The following SLC9A1 variants were observed in gnomAD, a reference collection of about 807,000 sequenced individuals.
The protein encoded by SLC9A1 is solute carrier family 9 member A1.
Under a neutral mutation model 67.9 loss-of-function variants are expected in SLC9A1, and 22 were observed. The observed-to-expected ratio is 0.32, with a 90% confidence interval of 0.23 to 0.46. SLC9A1 has a LOEUF of 0.46. Among genes scored for constraint, SLC9A1 ranks in the 20% least tolerant of loss-of-function variants. The pLI is 1.00. For missense variants in SLC9A1, 686 were observed against 1,094.8 expected, an observed-to-expected ratio of 0.63 and a Z score of 5.27; for synonymous variants, 421 against 471.8, an observed-to-expected ratio of 0.89 and a Z score of 1.40.
At chr1:27,152,566 A>C (rs1397110900) in intron 1 of SLC9A1, among the ~76,000 whole-genome samples, 2 of 152,194 alleles carry the variant, frequency 1.3e-5, no homozygotes, top group African/African-American at 2.4e-5. Flanking sequence ...GGCCTCAGCT[A>C]TTCAAGGTCA....
In SLC9A1 at chr1:27,107,565, CCA is replaced by C. The variant is rs1318198692; in HGVS notation, c.1282+81_1282+82del. The stretch of plus-strand genomic sequence containing the variant: ...CCTTCCACATAGTGCACTGCACACA[CCA>C]CACACACAGCACCACAGCCCACCAC... On this transcript the variant is annotated intron_variant, in intron 4 of 11. Transcript: ENST00000263980. The C allele has an allele frequency of 2.4e-5, 25 of 1,043,128 alleles. No individual in the cohort carries two copies. The Admixed American group carries it at 4.2e-4, about 18-fold the overall frequency. The allele number at this position is 1,043,128 out of a possible 1,614,324, so 64.6% of individuals were successfully genotyped here.
At chr1:27,105,852 A>G in intron 5 of SLC9A1, 33 bp downstream of exon 5, 1 of 1,587,112 alleles carries the variant, frequency 6.3e-7, no homozygotes, top group South Asian at 1.1e-5. Context: ...GAGGGTCCCC[A>G]AGGCAAGGGC....
chr1:27,136,352 C>G (rs1480930893), intron 1 of SLC9A1, among the ~76,000 whole-genome samples: 2 of 152,208 alleles, frequency 1.3e-5, no homozygotes, highest in Non-Finnish European at 2.9e-5. Context: ...GCCCAGTGCA[C>G]ACTCACCACT....
Position 27,154,278 on chromosome 1 carries a change from T to C in SLC9A1, c.57A>G (p.Leu19=). Residue 19 remains leucine (L), a synonymous_variant, in exon 1 of 12, where the codon TTA becomes TTG. Coordinates refer to ENST00000263980, the MANE Select transcript of SLC9A1 (RefSeq NM_003047.5). The stretch of plus-strand genomic sequence containing the variant: ...GCCCCACCAAAGCAACCACCACGAG[T>C]AAGGAAGGGAAGATCCGATGTGGAG... ...GLSPHRIFPS[L]LVVVALVGLL... 1.2e-6 allele frequency: 2 copies of C among 1,610,856 alleles called. No homozygotes were observed. Among genetic ancestry groups the C allele is most frequent in the South Asian group, 1.1e-5 (1 of 90,570 alleles).
chr1:27,134,142 A>C (rs941660144), intron 1 of SLC9A1, among the ~76,000 whole-genome samples: 4 of 152,116 alleles, frequency 2.6e-5, no homozygotes, highest in African/African-American at 9.7e-5. Context: ...GTCAGAGCTG[A>C]GCTCTGGCCC....
At chr1:27,147,299 C>CAAAAAAAAAAAAAAAA (rs57583944) in intron 1 of SLC9A1, among the ~76,000 whole-genome samples, 1 of 43,936 alleles carries the variant, frequency 2.3e-5, no homozygotes, top group African/African-American at 1.0e-4. Context: ...GACTCTGTCT[C>CAAAAAAAAAAAAAAAA]AAAAAAAAAA....
At chr1:27,151,653 T>C (rs1424089075) in intron 1 of SLC9A1, among the ~76,000 whole-genome samples, 1 of 152,204 alleles carries the variant, frequency 6.6e-6, no homozygotes, top group East Asian at 1.9e-4. Context: ...CGTGAGCCAC[T>C]GCGCCCAGCT....
intron 1 of SLC9A1, among the ~76,000 whole-genome samples, chr1:27,150,864 T>C (rs540827442): frequency 1.3e-5 from 2 of 152,094 alleles, no homozygotes; most frequent in Non-Finnish European, 2.9e-5. Flanking sequence ...TCTATTCTTA[T>C]AGGAGGGGTA....
intron 1 of SLC9A1, among the ~76,000 whole-genome samples, chr1:27,138,903 T>C (rs540703937): frequency 1.3e-5 from 2 of 152,184 alleles, no homozygotes; most frequent in Non-Finnish European, 2.9e-5. Flanking sequence ...GCGGCTGCTC[T>C]GGGGAGAGCT....
chr1:27,101,596 C>T lies in SLC9A1; in HGVS notation c.2037+129G>A, dbSNP rs1051784224. 59 of 705,202 alleles carry T rather than the reference C, an allele frequency of 8.4e-5. No homozygotes were observed. The African/African-American group carries it at 9.4e-4, about 11-fold the overall frequency. 43.7% of individuals were successfully genotyped at this position (705,202 alleles called of 1,614,324 possible). A position where few individuals can be genotyped will look rare whatever the true frequency, so the allele number is the denominator to read the frequency against. ...TGCTTAGAACTCATGGCTCTCCATG[C>T]CCTTACACTGCTAAAAGCCCCTCGA... On this transcript the variant is annotated intron_variant, in intron 10 of 11. Coordinates refer to ENST00000263980, the MANE Select transcript of SLC9A1 (RefSeq NM_003047.5). This position sits in a 1 kb window ranked among gnomAD's most constrained non-coding sequence, Gnocchi z 4.9.
chr1:27,127,012 G>T (rs1009687490), intron 1 of SLC9A1, among the ~76,000 whole-genome samples: 5 of 151,954 alleles, frequency 3.3e-5, no homozygotes, highest in Non-Finnish European at 5.9e-5. Context: ...GGGGGGAGGG[G>T]GCAGGGAAAA....
rs1467999707 is a variant in SLC9A1, at chr1:27,154,512, CAATCTGGA to C, written c.-186_-179del. The C allele has an allele frequency of 7.8e-6, 4 of 515,780 alleles. No homozygotes were observed. The highest frequency in any genetic ancestry group is 5.8e-5 in the African/African-American group (3 of 51,448). 32.0% of individuals were successfully genotyped at this position (515,780 alleles called of 1,614,324 possible). Reference sequence around the variant, plus strand: ...TGGGGGTGGAGGGAGGCTGGGTTTGCAATCTGGAACTCCAAAGTGGGGAAAGGGGGCAA... The same window carrying C: ...TGGGGGTGGAGGGAGGCTGGGTTTGCACTCCAAAGTGGGGAAAGGGGGCAA... On this transcript the variant is annotated 5_prime_UTR_variant, in exon 1 of 12. Coordinates refer to ENST00000263980, the MANE Select transcript of SLC9A1 (RefSeq NM_003047.5).
At chr1:27,143,329 T>A (rs2083463642) in intron 1 of SLC9A1, among the ~76,000 whole-genome samples, 1 of 152,136 alleles carries the variant, frequency 6.6e-6, no homozygotes, top group Non-Finnish European at 1.5e-5. Flanking sequence ...TCATCTCTCC[T>A]CTCCTCTGAT....
chr1:27,102,705 A>T lies in SLC9A1; in HGVS notation c.1614T>A (p.Cys538Ter). The part of the protein sequence containing the change: ...DHLLTGIEDI[C>*]GHYGHHHWKD... ...TCCAGTGGTGGTGACCGTAGTGGCC[A>T]CAGATGTCTTCGATGCCTGTCAGAA... The change falls in exon 7 of 12, where the codon TGT becomes TGA. Residue 538 changes from cysteine (C) to a stop codon, truncating the protein, a stop_gained. Coordinates refer to ENST00000263980, the MANE Select transcript of SLC9A1 (RefSeq NM_003047.5). LOFTEE classifies it high-confidence loss of function. 6.2e-7 allele frequency: 1 copy of T among 1,613,808 alleles called. No homozygotes were observed.
chr1:27,137,368 C>A lies in SLC9A1; in HGVS notation c.352+16615G>T, dbSNP rs545664344. On this transcript the variant is annotated intron_variant, in intron 1 of 11. Transcript: ENST00000263980. This position sits in a 1 kb window ranked among gnomAD's most constrained non-coding sequence, Gnocchi z 4.6. ...GTGGCCCTTAAGCAAGTCACTTCCG[C>A]CCTGGCCTCTGCTTCCTCTGTGAGC... Among the ~76,000 whole-genome samples, 1 of 152,342 alleles carries A rather than the reference C, an allele frequency of 6.6e-6. No homozygotes were observed. The highest frequency in any genetic ancestry group is 6.5e-5 in the Admixed American group (1 of 15,306).
intron 5 of SLC9A1, 198 bp downstream of exon 5, chr1:27,105,686 TG>T (rs1379558628): frequency 1.4e-6 from 1 of 715,800 alleles, no homozygotes; most frequent in African/African-American, 1.7e-5. Context: ...CACTCTGCAA[TG>T]ACTCATCACA....
At position 27,105,866 on chromosome 1, in the gene SLC9A1, C is replaced by G; in HGVS notation, c.1485+19G>C. Reference sequence around the variant, plus strand: ...TGAGGGTCCCCAAGGCAAGGGCCTGCCCTGCCCTGGCCCAGCACCTGCACA... The same window carrying G: ...TGAGGGTCCCCAAGGCAAGGGCCTGGCCTGCCCTGGCCCAGCACCTGCACA... On this transcript the variant is annotated intron_variant, in intron 5 of 11. Coordinates refer to ENST00000263980, the MANE Select transcript of SLC9A1 (RefSeq NM_003047.5). 1 of 1,607,016 alleles carries G rather than the reference C, an allele frequency of 6.2e-7. No homozygotes were observed. Among genetic ancestry groups the G allele is most frequent in the Non-Finnish European group, 8.5e-7 (1 of 1,174,496 alleles).
At chr1:27,127,364 C>T (rs2083352749) in intron 1 of SLC9A1, among the ~76,000 whole-genome samples, 1 of 152,192 alleles carries the variant, frequency 6.6e-6, no homozygotes, top group Non-Finnish European at 1.5e-5. Flanking sequence ...TACTTAGATG[C>T]TGTAAAGCAG....
chr1:27,116,777 C>T (rs1269189445), intron 1 of SLC9A1, among the ~76,000 whole-genome samples: 1 of 152,164 alleles, frequency 6.6e-6, no homozygotes, highest in East Asian at 1.9e-4. Context: ...CTGTCATCTG[C>T]TCTTGCCTCA....
Sources: gnomAD v4.1 joint callset for allele counts (sites outside exome capture counted in the v4.1 genomes callset) on GRCh38, gnomAD v4.1.1 for gene constraint, Gnocchi (gnomAD v3.1) non-coding constraint, MANE v1.5 for transcripts, NCBI Gene and HGNC (gene_info 2026-07-23, HGNC 2026-07-21) for gene names.